Variants in EFCAB5 observed in about 807,000 individuals in gnomAD.
EFCAB5 encodes EF-hand calcium-binding domain-containing protein 5.
A neutral mutation model predicts 167.9 loss-of-function variants in EFCAB5; 131 were observed. The ratio of observed to expected loss-of-function variants is 0.78; its 90% CI spans 0.68 to 0.90. EFCAB5 has a LOEUF of 0.90. Ranked by LOEUF, EFCAB5 falls within the 40% of genes least tolerant of loss-of-function variation. EFCAB5 has a pLI of 0.00. For synonymous variants in EFCAB5, 574 were observed against 602.8 expected, an observed-to-expected ratio of 0.95 and a Z score of 0.70; for missense variants, 1,663 against 1,745.2, an observed-to-expected ratio of 0.95 and a Z score of 0.84.
At chr17:29,986,809 G>A (rs1024098562) in intron 4 of EFCAB5, among the ~76,000 whole-genome samples, 9 of 151,818 alleles carry the variant, frequency 5.9e-5, no homozygotes, top group South Asian at 4.2e-4. Context: ...CACCTCGCCC[G>A]GCTAATTTTT....
chr17:29,975,448 G>A (rs2068046217), intron 4 of EFCAB5, among the ~76,000 whole-genome samples: 1 of 151,934 alleles, frequency 6.6e-6, no homozygotes, highest in East Asian at 1.9e-4. Flanking sequence ...GTAGAGATGG[G>A]GTTTCACCAT....
chr17:30,080,467 C>T (rs1326094164), intron 16 of EFCAB5, among the ~76,000 whole-genome samples: 3 of 152,060 alleles, frequency 2.0e-5, no homozygotes, highest in South Asian at 2.1e-4. Context: ...GTCACAATAT[C>T]ATCTCAATTA....
At position 30,087,557 on chromosome 17, in the gene EFCAB5, C is replaced by G. The variant is rs539468230; in HGVS notation, c.3683+391C>G. ...ACATGTGGTGTTTGGTTTTCTGTTC[C>G]TGTGTTAGTTTGCTGAAGATAATGA... On this transcript the variant is annotated intron_variant, in intron 19 of 22. Coordinates refer to ENST00000394835, the MANE Select transcript of EFCAB5 (RefSeq NM_198529.4). Among the ~76,000 whole-genome samples, 4 of 152,212 alleles carry G rather than the reference C, an allele frequency of 2.6e-5. No individual in the cohort carries two copies. The South Asian group carries it at 8.3e-4, about 32-fold the overall frequency.
At chr17:29,964,028 C>A (rs2067775513) in intron 3 of EFCAB5, among the ~76,000 whole-genome samples, 1 of 151,258 alleles carries the variant, frequency 6.6e-6, no homozygotes, top group African/African-American at 2.4e-5. Flanking sequence ...TGAGGCCTCA[C>A]TGGGAACAGA....
intron 18 of EFCAB5, among the ~76,000 whole-genome samples, 180 bp downstream of exon 18, chr17:30,083,223 G>A (rs553890630): frequency 9.2e-5 from 14 of 152,220 alleles, no homozygotes; most frequent in Non-Finnish European, 2.1e-4. Context: ...TAGGCAAAAG[G>A]GAGAATTAAC....
chr17:30,092,625 G>A (rs1035328893), intron 21 of EFCAB5, among the ~76,000 whole-genome samples: 5 of 152,138 alleles, frequency 3.3e-5, no homozygotes, highest in African/African-American at 1.2e-4. Context: ...CTGACCTCAG[G>A]TGGTCCTCCC....
intron 3 of EFCAB5, among the ~76,000 whole-genome samples, chr17:29,950,144 C>G (rs1383417861): frequency 5.9e-5 from 9 of 152,118 alleles, no homozygotes; most frequent in Non-Finnish European, 1.3e-4. Flanking sequence ...CAAGATCAAC[C>G]CTTCCTCTTC....
At chr17:29,990,845 C>T (rs1182667689) in intron 4 of EFCAB5, among the ~76,000 whole-genome samples, 1 of 152,186 alleles carries the variant, frequency 6.6e-6, no homozygotes, top group Non-Finnish European at 1.5e-5. Flanking sequence ...GCTGCTCGAA[C>T]AGTCACTGGG....
intron 1 of EFCAB5, chr17:29,930,188 A>G (rs940043855): frequency 5.2e-6 from 3 of 579,196 alleles, no homozygotes; most frequent in East Asian, 3.1e-5. Context: ...GACGCTCCGA[A>G]CGGGCGGCGG....
chr17:30,050,303 T>A (rs980336070), intron 8 of EFCAB5, among the ~76,000 whole-genome samples: 2 of 152,046 alleles, frequency 1.3e-5, no homozygotes, highest in Non-Finnish European at 2.9e-5. Flanking sequence ...CCCAGCTAAT[T>A]TTTGTCTTTT....
chr17:30,000,734 T>G (rs1379746508), intron 7 of EFCAB5, among the ~76,000 whole-genome samples: 1 of 152,198 alleles, frequency 6.6e-6, no homozygotes, highest in Non-Finnish European at 1.5e-5. Flanking sequence ...CTTTTAAAAA[T>G]TATTGTATAG....
intron 14 of EFCAB5, chr17:30,068,838 C>G (rs2070651073): frequency 7.1e-7 from 1 of 1,405,978 alleles, no homozygotes; most frequent in African/African-American, 1.4e-5. Flanking sequence ...TTCTGGAACA[C>G]AGGAAAGATT....
At chr17:29,999,766 A>G (rs970856417) in intron 6 of EFCAB5, 140 bp from the exon 7 acceptor site, 13 of 520,514 alleles carry the variant, frequency 2.5e-5, no homozygotes, top group African/African-American at 1.4e-4. Flanking sequence ...TTACCCAACT[A>G]TATGTAATTC....
chr17:30,005,191 G>T (rs917279906), intron 7 of EFCAB5, among the ~76,000 whole-genome samples: 1 of 152,036 alleles, frequency 6.6e-6, no homozygotes, highest in South Asian at 2.1e-4. Context: ...TCAAGGCACC[G>T]TCTTATCACC....
At position 30,083,213 on chromosome 17, in the gene EFCAB5, T is replaced by C. The variant is rs9907724; in HGVS notation, c.3579+170T>C. Among the ~76,000 whole-genome samples, 626 of 152,326 alleles carry C rather than the reference T, an allele frequency of 4.1e-3. 5 individuals are homozygous for C. The highest frequency in any genetic ancestry group is 0.014 in the African/African-American group (594 of 41,568). ...GACAGGAATCCATCTCAAATTGCCT[T>C]AGGCAAAAGGGAGAATTAACTGACT... On this transcript the variant is annotated intron_variant, in intron 18 of 22. Transcript: ENST00000394835.
chr17:30,027,075 C>T (rs1039024994), intron 7 of EFCAB5, among the ~76,000 whole-genome samples: 1 of 138,454 alleles, frequency 7.2e-6, no homozygotes, highest in Non-Finnish European at 1.5e-5. Context: ...CAAGCTCTGC[C>T]TCCCAGGTTC....
chr17:29,957,263 C>T (rs1241821924), intron 3 of EFCAB5, among the ~76,000 whole-genome samples: 7 of 152,130 alleles, frequency 4.6e-5, no homozygotes, highest in African/African-American at 1.7e-4. Flanking sequence ...GATTAACTTA[C>T]ATATATTGAA....
At chr17:30,008,005 C>T (rs1293701711) in intron 7 of EFCAB5, among the ~76,000 whole-genome samples, 2 of 151,908 alleles carry the variant, frequency 1.3e-5, no homozygotes, top group Non-Finnish European at 1.5e-5. Flanking sequence ...CGAAAAGCTG[C>T]GTCATTTGAT....
intron 7 of EFCAB5, among the ~76,000 whole-genome samples, chr17:30,004,738 A>G (rs978892641): frequency 2.0e-5 from 3 of 149,558 alleles, no homozygotes; most frequent in Admixed American, 1.3e-4. Flanking sequence ...CTCCTGCCTC[A>G]GCCTCCTGAG....
Sources: allele counts gnomAD v4.1 joint callset (sites outside exome capture counted in the v4.1 genomes callset), GRCh38; gene constraint gnomAD v4.1.1; transcripts MANE v1.5; gene names NCBI Gene and HGNC (gene_info 2026-07-23, HGNC 2026-07-21).